Variants in PAPLN observed in about 807,000 individuals in gnomAD.
The protein encoded by PAPLN is papilin, proteoglycan like sulfated glycoprotein, also known as papilin.
Under a neutral mutation model 159.0 loss-of-function variants are expected in PAPLN, and 146 were observed. That is an observed-to-expected ratio of 0.92 (90% confidence interval 0.80 to 1.05). The LOEUF is 1.05. Ranked by LOEUF, PAPLN falls within the 50% of genes least tolerant of loss-of-function variation. PAPLN has a pLI of 0.00. For synonymous variants in PAPLN, 734 were observed against 702.9 expected, an observed-to-expected ratio of 1.04 and a Z score of -0.70; for missense variants, 1,720 against 1,743.9, an observed-to-expected ratio of 0.99 and a Z score of 0.24.
At position 73,262,430 on chromosome 14, in the gene PAPLN, G is replaced by A. The variant is rs767265141; in HGVS notation, c.2326G>A (p.Val776Met). ...WAARWYFVAS[V>M]GQCNRFWYGG... is the part of the protein sequence containing the mutation. ...TGCCCGCTGGTACTTCGTTGCCTCT[G>A]TGGGCCAATGTAACCGCTTCTGGTA... The change falls in exon 19 of 27, where the codon GTG becomes ATG. Residue 776 changes from valine to methionine, a missense_variant. Val to Met is a conservative substitution (Grantham distance 21, BLOSUM62 1). Transcript: ENST00000644200. 2.5e-6 allele frequency: 4 copies of A among 1,613,936 alleles called. No homozygotes were observed. In the Admixed American group the frequency reaches 5.0e-5, roughly 20 times the overall value.
chr14:73,262,620 G>T lies in PAPLN; in HGVS notation c.2516G>T (p.Ser839Ile). 3.2e-6 allele frequency: 5 copies of T among 1,545,666 alleles called. No homozygotes were observed. The highest frequency in any genetic ancestry group is 4.4e-6 in the Non-Finnish European group (5 of 1,142,742). ...GSSPAGEQEP[S>I]QHRTGAAVQR... is the part of the protein sequence containing the mutation. ...AGTCCTGCAGGCGAGCAGGAACCCA[G>T]CCAGCACAGGACAGGGGCCGCGGTG... Residue 839 changes from serine (S) to isoleucine (I), a missense_variant, in exon 19 of 27, where the codon AGC (serine) becomes ATC (isoleucine). Coordinates refer to ENST00000644200, the MANE Select transcript of PAPLN (RefSeq NM_001365906.3).
chr14:73,257,128 T>A (rs1386598100), intron 14 of PAPLN, among the ~76,000 whole-genome samples: 2 of 152,098 alleles, frequency 1.3e-5, no homozygotes, highest in Non-Finnish European at 2.9e-5. Context: ...CAGGCCACCA[T>A]GCCCAGCTAA....
chr14:73,263,064 G>T (rs539482227), intron 19 of PAPLN: 2 of 419,818 alleles, frequency 4.8e-6, no homozygotes, highest in South Asian at 1.1e-4. Context: ...GTGGCTCCGG[G>T]GTTCTCCATC....
At position 73,244,739 on chromosome 14, in the gene PAPLN, G is replaced by A; in HGVS notation, c.150G>A (p.Glu50=). The part of the protein sequence containing the change: ...RTCGGGVSFR[E]RPCYSQRRDG... The stretch of plus-strand genomic sequence containing the variant: ...GTGGAGGGGGTGTCAGCTTCCGGGA[G>A]CGCCCCTGCTACTCCCAGAGGTAGG... The change falls in exon 3 of 27, where the codon GAG becomes GAA. Residue 50 remains glutamate, a synonymous_variant. Transcript: ENST00000644200. 6.3e-7 allele frequency: 1 copy of A among 1,576,306 alleles called. No homozygotes were observed. The highest frequency in any genetic ancestry group is 8.6e-7 in the Non-Finnish European group (1 of 1,161,072).
intron 2 of PAPLN, among the ~76,000 whole-genome samples, chr14:73,241,143 A>G (rs1482420496): frequency 1.3e-5 from 2 of 152,026 alleles, no homozygotes; most frequent in African/African-American, 4.8e-5. Context: ...CATAGATGAC[A>G]CTTCAAGAGC....
At chr14:73,251,412 A>C in intron 7 of PAPLN, 74 bp from the exon 8 acceptor site, 1 of 1,444,268 alleles carries the variant, frequency 6.9e-7, no homozygotes, top group Non-Finnish European at 9.5e-7. Flanking sequence ...GCTGTGTGGC[A>C]CTTGGAGTCC....
chr14:73,264,008 A>G, intron 20 of PAPLN: 1 of 1,399,970 alleles, frequency 7.1e-7, no homozygotes, highest in Non-Finnish European at 9.3e-7. Context: ...CTCCTCTGAC[A>G]GGTTCACGTG....
At chr14:73,269,878 C>T (rs1248131443) in intron 26 of PAPLN, among the ~76,000 whole-genome samples, 1 of 152,200 alleles carries the variant, frequency 6.6e-6, no homozygotes, top group African/African-American at 2.4e-5. Context: ...CTGGCTGCTT[C>T]CTGGCTGCCA....
intron 14 of PAPLN, among the ~76,000 whole-genome samples, chr14:73,257,753 C>CTTTTTTGTTTTTT (rs1886085993): frequency 1.1e-5 from 1 of 91,240 alleles, no homozygotes; most frequent in Non-Finnish European, 2.1e-5. Context: ...TCTCTTTCTT[C>CTTTTTTGTTTTTT]TTTTTTTTTT....
intron 25 of PAPLN, among the ~76,000 whole-genome samples, chr14:73,267,823 C>G (rs1012466981): frequency 6.6e-6 from 1 of 152,214 alleles, no homozygotes; most frequent in Admixed American, 6.5e-5. Context: ...AGCAAACATG[C>G]ATAGAACTCC....
Position 73,252,873 on chromosome 14 carries a change from G to A in PAPLN, c.1094+98G>A, listed in dbSNP as rs567079991. 1.7e-3 allele frequency: 2,625 copies of A among 1,543,884 alleles called. 7 individuals carry two copies. The highest frequency in any genetic ancestry group is 3.2e-3 in the South Asian group (264 of 81,718). ...GCTGCTTTAGGTGTAGAACAAAGAGGTGGGGGTCCAGGGCCCCCCACGCTG... is the reference window on the plus strand; with the variant it reads ...GCTGCTTTAGGTGTAGAACAAAGAGATGGGGGTCCAGGGCCCCCCACGCTG... On this transcript the variant is annotated intron_variant, in intron 11 of 26. Coordinates refer to ENST00000644200, the MANE Select transcript of PAPLN (RefSeq NM_001365906.3).
rs142872200 is a variant in PAPLN at position 73,254,762 on chromosome 14, G to A, written c.1485+67G>A. ...CTCTGGCAGGTGGCTGCACCCGAGC[G>A]CCGTCCTTGGACCTGACACGCGCCA... On this transcript the variant is annotated intron_variant, in intron 13 of 26. Coordinates refer to ENST00000644200, the MANE Select transcript of PAPLN (RefSeq NM_001365906.3). 12 of 1,591,526 alleles carry A rather than the reference G, an allele frequency of 7.5e-6. No homozygotes were observed. In the East Asian group the frequency reaches 1.1e-4, roughly 15 times the overall value.
chr14:73,250,700 C>T (rs1393108748), intron 6 of PAPLN, among the ~76,000 whole-genome samples: 2 of 152,168 alleles, frequency 1.3e-5, no homozygotes, highest in Non-Finnish European at 2.9e-5. Flanking sequence ...GAAAACAGGG[C>T]ATTATTACCA....
At chr14:73,268,369 G>T in intron 25 of PAPLN, 188 bp from the exon 26 acceptor site, 1 of 540,408 alleles carries the variant, frequency 1.9e-6, no homozygotes, top group Admixed American at 3.7e-5. Flanking sequence ...AGGTTGGAGG[G>T]GCACCATCAT....
intron 2 of PAPLN, among the ~76,000 whole-genome samples, chr14:73,240,307 C>G (rs1179166644): frequency 6.6e-6 from 1 of 152,132 alleles, no homozygotes; most frequent in Non-Finnish European, 1.5e-5. Flanking sequence ...ATGGAACCTT[C>G]TGAGATGGCA....
At chr14:73,255,899 C>G (rs1413295123) in intron 14 of PAPLN, among the ~76,000 whole-genome samples, 3 of 152,254 alleles carry the variant, frequency 2.0e-5, no homozygotes, top group African/African-American at 7.2e-5. Flanking sequence ...TGCCCCACCT[C>G]TCTGATTCTC....
upstream of PAPLN, among the ~76,000 whole-genome samples, chr14:73,236,695 A>C (rs558188205): frequency 3.7e-4 from 56 of 152,126 alleles, no homozygotes; most frequent in Admixed American, 1.8e-3. Flanking sequence ...AGACGCCTGT[A>C]ATCCCAGCTA....
Position 73,245,698 on chromosome 14 carries a change from T to G in PAPLN, c.231+2T>G. On this transcript the variant is annotated splice_donor_variant, in intron 4 of 26. Coordinates refer to ENST00000644200, the MANE Select transcript of PAPLN (RefSeq NM_001365906.3). LOFTEE classifies it high-confidence loss of function. The surrounding 1 kb of genome is among the most constrained non-coding windows in gnomAD (Gnocchi z 4.2). ...AGCCACCGCTCTTGTCGCACGGAGG[T>G]AAAGCTCACGGGGCGCGGGCGAAGG... 6.5e-7 allele frequency: 1 copy of G among 1,546,884 alleles called. No homozygotes were observed. Among genetic ancestry groups the G allele is most frequent in the Non-Finnish European group, 8.7e-7 (1 of 1,149,638 alleles).
Position 73,272,653 on chromosome 14 carries a change from A to C in PAPLN, c.3826A>C (p.Ile1276Leu). 1 of 1,574,458 alleles carries C rather than the reference A, an allele frequency of 6.4e-7. No individual in the cohort carries two copies. Among genetic ancestry groups the C allele is most frequent in the Non-Finnish European group, 8.7e-7 (1 of 1,149,512 alleles). ...CSRFQPHAQP[I>L]WQ Reference sequence around the variant, plus strand: ...ACGTTTCCAGCCTCACGCTCAGCCCATCTGGCAGTAGGGATGAAGGCTAGT... The same window carrying C: ...ACGTTTCCAGCCTCACGCTCAGCCCCTCTGGCAGTAGGGATGAAGGCTAGT... The change falls in exon 27 of 27, where the codon ATC becomes CTC. Residue 1276 changes from isoleucine to leucine, a missense_variant. Transcript: ENST00000644200.
Sources: gnomAD v4.1 joint callset for allele counts (sites outside exome capture counted in the v4.1 genomes callset) on GRCh38, gnomAD v4.1.1 for gene constraint, Gnocchi (gnomAD v3.1) non-coding constraint, MANE v1.5 for transcripts, NCBI Gene and HGNC (gene_info 2026-07-23, HGNC 2026-07-21) for gene names.